The following VPS13D variants were observed in gnomAD, a reference collection of about 807,000 sequenced individuals.
VPS13D encodes intermembrane lipid transfer protein VPS13D.
In VPS13D, 187 loss-of-function variants were observed where a neutral mutation model predicts 461.9. That is an observed-to-expected ratio of 0.40 (90% confidence interval 0.36 to 0.46). The LOEUF is 0.46. VPS13D is among the 20% of genes least tolerant of loss of function. VPS13D has a pLI of 0.60. For synonymous variants in VPS13D, 1,951 were observed against 1,986.3 expected (o/e 0.98, Z 0.47); for missense variants, 4,711 against 5,364.9 (o/e 0.88, Z 3.81).
chr1:12,295,796 A>C (rs1403896682), intron 24 of VPS13D, among the ~76,000 whole-genome samples: 1 of 152,228 alleles, frequency 6.6e-6, no homozygotes, highest in Non-Finnish European at 1.5e-5. Context: ...AGCTGCCTGC[A>C]TATGCTGTGT....
At position 12,260,743 on chromosome 1, in the gene VPS13D, T is replaced by G; in HGVS notation, c.1161T>G (p.Ile387Met). Residue 387 changes from isoleucine (I) to methionine (M), a missense_variant, in exon 11 of 70, where the codon ATT becomes ATG. Ile to Met is a conservative substitution (Grantham distance 10). Transcript: ENST00000620676. ...AACAGAGCTTTGAGGAATTGAAGAT[T>G]TTGCGTGAACTGGTTCATGATCGAT... The part of the protein sequence containing the change: ...EEEQSFEELK[I>M]LRELVHDRFH... The G allele has an allele frequency of 1.2e-6, 2 of 1,614,124 alleles. No homozygotes were observed. The highest frequency in any genetic ancestry group is 1.7e-6 in the Non-Finnish European group (2 of 1,180,006).
chr1:12,331,569 G>A (rs528742759), intron 37 of VPS13D, among the ~76,000 whole-genome samples: 1 of 151,790 alleles, frequency 6.6e-6, no homozygotes, highest in East Asian at 1.9e-4. Context: ...AAAATTAGCC[G>A]GGCGTGGTGG....
rs576831395 is a variant in VPS13D at position 12,466,252 on chromosome 1, C to G, written c.12662+5856C>G. ...GCTCTGAGAGCAGCCATTTCTTATA[C>G]TTGGTATTACACATAGGACATCAAA... On this transcript the variant is annotated intron_variant, in intron 67 of 69. Transcript: ENST00000620676. 1.6e-3 allele frequency among the ~76,000 whole-genome samples: 242 copies of G among 152,228 alleles called. 1 individual carries two copies. The highest frequency in any genetic ancestry group is 2.5e-3 in the Non-Finnish European group (169 of 68,014).
intron 67 of VPS13D, among the ~76,000 whole-genome samples, chr1:12,485,017 T>TA (rs1645779133): frequency 6.6e-6 from 1 of 152,134 alleles, no homozygotes; most frequent in Non-Finnish European, 1.5e-5. Flanking sequence ...ATGCTTGGGA[T>TA]AAAAAAAGAT....
At chr1:12,354,283 T>C in intron 47 of VPS13D, 62 bp downstream of exon 47, 4 of 1,574,756 alleles carry the variant, frequency 2.5e-6, no homozygotes, top group Non-Finnish European at 3.5e-6. Context: ...GAGTATTTTG[T>C]GATTATTTAT....
chr1:12,338,177 C>T (rs1339535897), intron 39 of VPS13D, 54 bp from the exon 40 acceptor site: 2 of 1,495,406 alleles, frequency 1.3e-6, no homozygotes, highest in African/African-American at 2.8e-5. Context: ...AGCAAGTCTT[C>T]TTATTTCACT....
intron 25 of VPS13D, among the ~76,000 whole-genome samples, chr1:12,303,783 G>A (rs1642487329): frequency 6.6e-6 from 1 of 152,206 alleles, no homozygotes; most frequent in Non-Finnish European, 1.5e-5. Flanking sequence ...TAGCTCCGAG[G>A]CCTCCATGAA....
chr1:12,385,436 G>C lies in VPS13D; in HGVS notation c.11484+63G>C, dbSNP rs191202795. The stretch of plus-strand genomic sequence containing the variant: ...TCAGTTTTTTAGAATTTTACTTGGT[G>C]GTATTTTAGACCTTCTGTTTTCTTT... On this transcript the variant is annotated intron_variant, in intron 59 of 69. Transcript: ENST00000620676. 7.6e-6 allele frequency: 10 copies of C among 1,318,112 alleles called. No individual in the cohort carries two copies. The East Asian group carries it at 2.5e-4, about 33-fold the overall frequency. 81.7% of individuals were successfully genotyped at this position (1,318,112 alleles called of 1,614,324 possible). A position where few individuals can be genotyped will look rare whatever the true frequency, so the allele number is the denominator to read the frequency against.
At chr1:12,236,096 T>C (rs1640138685) in intron 2 of VPS13D, among the ~76,000 whole-genome samples, 1 of 152,236 alleles carries the variant, frequency 6.6e-6, no homozygotes, top group African/African-American at 2.4e-5. Flanking sequence ...TCTGCCCTTA[T>C]TTCCTTTCTA....
intron 39 of VPS13D, chr1:12,336,724 G>C (rs1027556456): frequency 6.6e-6 from 1 of 152,194 alleles, no homozygotes; most frequent in Non-Finnish European, 1.5e-5. Flanking sequence ...AATGTCAGCT[G>C]TGCTTGTTCT....
intron 67 of VPS13D, among the ~76,000 whole-genome samples, chr1:12,479,407 T>C (rs191504549): frequency 1.4e-3 from 211 of 152,348 alleles, no homozygotes; most frequent in African/African-American, 5.0e-3. Flanking sequence ...CAATGGACAA[T>C]GCCTCTTAGG....
chr1:12,231,146 G>T (rs557144912), intron 1 of VPS13D, among the ~76,000 whole-genome samples: 4 of 152,348 alleles, frequency 2.6e-5, no homozygotes, highest in African/African-American at 9.6e-5. Context: ...CCGCCCGTGG[G>T]CTCAGCACTG....
chr1:12,276,506 G>A lies in VPS13D; in HGVS notation c.2918G>A (p.Arg973Gln), dbSNP rs761310083. Residue 973 changes from arginine to glutamine, a missense_variant, in exon 19 of 70, where the codon CGG (arginine) becomes CAG (glutamine). Arg to Gln is a conservative substitution (Grantham distance 43). Around this residue, in one of 3 missense-constraint regions of VPS13D, gnomAD observed 4,411 missense variants for 4,937.8 expected, o/e 0.89. Coordinates refer to ENST00000620676, the MANE Select transcript of VPS13D (RefSeq NM_015378.4). The surrounding 1 kb of genome is among the most constrained non-coding windows in gnomAD (Gnocchi z 4.5). ...CAGCTTGGTGTTGAGAGCAATGGCC[G>A]GTACATTTCTGTGCTCAAGGTGTTT... ...CMQLGVESNG[R>Q]YISVLKVFGT... 1.1e-5 allele frequency: 18 copies of A among 1,614,086 alleles called. No homozygotes were observed. The Middle Eastern group carries it at 4.9e-4, about 44-fold the overall frequency.
chr1:12,507,330 G>C lies in VPS13D; in HGVS notation c.13035+237G>C. Reference sequence around the variant, plus strand: ...GAACATTAACTGCCTCACAACGTTTGTGCCTCAGTTACCCGTAGATGTAGT... The same window carrying C: ...GAACATTAACTGCCTCACAACGTTTCTGCCTCAGTTACCCGTAGATGTAGT... On this transcript the variant is annotated intron_variant, in intron 69 of 69. Transcript: ENST00000620676. The surrounding 1 kb of genome is among the most constrained non-coding windows in gnomAD (Gnocchi z 5.3). The C allele has an allele frequency of 1.3e-6, 1 of 754,546 alleles. No homozygotes were observed. The highest frequency in any genetic ancestry group is 2.4e-6 in the Non-Finnish European group (1 of 417,444). The allele number at this position is 754,546 out of a possible 1,614,324, so 46.7% of individuals were successfully genotyped here.
rs1300635851 is a variant in VPS13D at position 12,311,640 on chromosome 1, A to G, written c.6822+15A>G. The G allele has an allele frequency of 6.2e-7, 1 of 1,613,458 alleles. No homozygotes were observed. On this transcript the variant is annotated intron_variant, in intron 28 of 69. Transcript: ENST00000620676. ...CAAGAATTCATGTGAGTGAGACCTT[A>G]TGTTCTTCTGTCACTCTCATAGTCT...
At chr1:12,389,826 T>A (rs1470823863) in intron 60 of VPS13D, among the ~76,000 whole-genome samples, 3 of 152,246 alleles carry the variant, frequency 2.0e-5, no homozygotes, top group Non-Finnish European at 4.4e-5. Context: ...TGGATTGGGC[T>A]GTTGTAGTTT....
In VPS13D at chr1:12,279,495, C is replaced by T; in HGVS notation, c.4451-4C>T. 3.8e-6 allele frequency: 6 copies of T among 1,582,880 alleles called. No homozygotes were observed. Among genetic ancestry groups the T allele is most frequent in the Non-Finnish European group, 5.2e-6 (6 of 1,159,160 alleles). ...GGTCTATCATTTCATCTCTTTTATGCCAGCTTTTCACATCCTGAACAACAC... is the reference window on the plus strand; with the variant it reads ...GGTCTATCATTTCATCTCTTTTATGTCAGCTTTTCACATCCTGAACAACAC... On this transcript the variant is annotated splice_polypyrimidine_tract_variant and splice_region_variant and intron_variant, in intron 19 of 69. Coordinates refer to ENST00000620676, the MANE Select transcript of VPS13D (RefSeq NM_015378.4). This position sits in a 1 kb window ranked among gnomAD's most constrained non-coding sequence, Gnocchi z 4.3.
chr1:12,346,042 C>T (rs1173059586), intron 43 of VPS13D, among the ~76,000 whole-genome samples: 1 of 152,062 alleles, frequency 6.6e-6, no homozygotes, highest in Non-Finnish European at 1.5e-5. Context: ...CTGACTTGTA[C>T]ATGCAGGTGG....
chr1:12,372,625 ATT>A (rs993757475), intron 54 of VPS13D, among the ~76,000 whole-genome samples: 2 of 151,784 alleles, frequency 1.3e-5, no homozygotes, highest in Middle Eastern at 3.4e-3. Flanking sequence ...ATGATTTGCA[ATT>A]TTTTTCTCCC....
Sources: allele counts gnomAD v4.1 joint callset (sites outside exome capture counted in the v4.1 genomes callset), GRCh38; gene constraint gnomAD v4.1.1; regional missense constraint gnomAD v4.1.1; non-coding constraint Gnocchi (gnomAD v3.1); transcripts MANE v1.5; gene names NCBI Gene and HGNC (gene_info 2026-07-23, HGNC 2026-07-21).